NETO1: variants seen among roughly 807,000 people sequenced by gnomAD.
NETO1 encodes the protein neuropilin and tolloid like 1.
A neutral mutation model predicts 61.3 loss-of-function variants in NETO1; 26 were observed. The observed-to-expected ratio is 0.42, with a 90% CI of 0.31 to 0.59. The LOEUF is 0.59. NETO1 is among the 20% of genes least tolerant of loss of function. The probability of loss-of-function intolerance (pLI) is 0.12; values close to 1 mark genes in which losing one functional copy is unlikely to be tolerated. For synonymous variants in NETO1, 225 were observed against 225.8 expected, an observed-to-expected ratio of 1.00 and a Z score of 0.03; for missense variants, 531 against 662.8, an observed-to-expected ratio of 0.80 and a Z score of 2.18.
chr18:72,774,613 A>C (rs2071482698), intron 7 of NETO1, among the ~76,000 whole-genome samples: 1 of 152,176 alleles, frequency 6.6e-6, no homozygotes, highest in Admixed American at 6.5e-5. Context: ...GCATATCTCA[A>C]ATTGGATGAA....
intron 7 of NETO1, among the ~76,000 whole-genome samples, chr18:72,771,266 T>C (rs1007717332): frequency 6.6e-6 from 1 of 152,164 alleles, no homozygotes; most frequent in Non-Finnish European, 1.5e-5. Context: ...ACTGTGTCAG[T>C]AGAGCAAATA....
At position 72,768,243 on chromosome 18, in the gene NETO1, T is replaced by A. The variant is rs565814016; in HGVS notation, c.869-12096A>T. On this transcript the variant is annotated intron_variant, in intron 7 of 10. Transcript: ENST00000327305. ...AATCTTTAGGACAGATTAACTTTTT[T>A]ATTTTTTTCTACAGTAATAAAATAT... is the stretch of plus-strand genomic sequence containing the variant. Among the ~76,000 whole-genome samples the A allele has an allele frequency of 1.6e-4, 25 of 152,228 alleles. No homozygotes were observed. The South Asian group carries it at 3.3e-3, about 20-fold the overall frequency.
chr18:72,763,614 TCACA>T (rs1429965935), intron 7 of NETO1, among the ~76,000 whole-genome samples: 8 of 149,054 alleles, frequency 5.4e-5, no homozygotes, highest in African/African-American at 9.8e-5. Flanking sequence ...CACACACCAT[TCACA>T]CACACACTCA....
Position 72,805,465 on chromosome 18 carries a change from A to G in NETO1, c.470-11061T>C, listed in dbSNP as rs145689402. ...CCACGAAAATAGCTAATACCATTGC[A>G]ATAATTAATATGTACCAGATATTAT... is the stretch of plus-strand genomic sequence containing the variant. On this transcript the variant is annotated intron_variant, in intron 4 of 10. Coordinates refer to ENST00000327305, the MANE Select transcript of NETO1 (RefSeq NM_138966.5). 2.3e-3 allele frequency among the ~76,000 whole-genome samples: 351 copies of G among 152,336 alleles called. 2 individuals carry two copies. The highest frequency in any genetic ancestry group is 8.2e-3 in the African/African-American group (342 of 41,578).
chr18:72,837,115 TA>T (rs2073774957), intron 4 of NETO1, among the ~76,000 whole-genome samples: 1 of 152,178 alleles, frequency 6.6e-6, no homozygotes, highest in African/African-American at 2.4e-5. Context: ...TTCAACAGAA[TA>T]ATAATATTCT....
intron 4 of NETO1, among the ~76,000 whole-genome samples, chr18:72,810,533 G>A (rs1364732835): frequency 2.0e-5 from 3 of 152,200 alleles, no homozygotes; most frequent in Admixed American, 2.0e-4. Flanking sequence ...ACTGGAAATA[G>A]TGCTAAAATG....
At chr18:72,821,178 G>A (rs143446851) in intron 4 of NETO1, among the ~76,000 whole-genome samples, 222 of 135,324 alleles carry the variant, frequency 1.6e-3, no homozygotes, top group African/African-American at 4.6e-3. Flanking sequence ...CCTTAGCCCC[G>A]TTTTCTGTCT....
intron 6 of NETO1, among the ~76,000 whole-genome samples, chr18:72,793,162 A>T (rs190061573): frequency 1.3e-5 from 2 of 152,316 alleles, no homozygotes; most frequent in Admixed American, 1.3e-4. Flanking sequence ...GACTTTATAG[A>T]GTCACAAAAT....
chr18:72,832,875 GAACA>G (rs952807262), intron 4 of NETO1, among the ~76,000 whole-genome samples: 3 of 152,106 alleles, frequency 2.0e-5, no homozygotes, highest in African/African-American at 7.2e-5. Flanking sequence ...CATGTTTTCT[GAACA>G]GACAGATACA....
At chr18:72,791,927 GA>G (rs566996973) in intron 6 of NETO1, among the ~76,000 whole-genome samples, 25 of 152,048 alleles carry the variant, frequency 1.6e-4, no homozygotes, top group Non-Finnish European at 3.2e-4. Flanking sequence ...AAATATAGAA[GA>G]AAAATAACTG....
At chr18:72,776,342 T>G (rs1159627938) in intron 7 of NETO1, among the ~76,000 whole-genome samples, 1 of 152,184 alleles carries the variant, frequency 6.6e-6, no homozygotes, top group Non-Finnish European at 1.5e-5. Flanking sequence ...TTTGTCCCCA[T>G]CACCTAAATA....
intron 4 of NETO1, among the ~76,000 whole-genome samples, chr18:72,796,904 A>T (rs1461559953): frequency 6.6e-6 from 1 of 152,372 alleles, no homozygotes; most frequent in Admixed American, 6.5e-5. Flanking sequence ...CTAAATCAAT[A>T]GATATATAGT....
At chr18:72,834,592 A>G in intron 4 of NETO1, 3 of 982,824 alleles carry the variant, frequency 3.1e-6, no homozygotes, top group Middle Eastern at 5.2e-4. Flanking sequence ...TATTACTCAG[A>G]TCAAAGTCAT....
intron 4 of NETO1, among the ~76,000 whole-genome samples, chr18:72,855,704 G>GA (rs1300493882): frequency 1.3e-5 from 2 of 151,986 alleles, no homozygotes; most frequent in East Asian, 1.9e-4. Flanking sequence ...CAAAGAAATA[G>GA]AAAAAAAATT....
At chr18:72,865,272 A>G in intron 1 of NETO1, 31 bp from the exon 2 acceptor site, 1 of 1,477,698 alleles carries the variant, frequency 6.8e-7, no homozygotes, top group Non-Finnish European at 9.4e-7. Context: ...TAGAGATAAA[A>G]TACACTGAAA....
intron 4 of NETO1, among the ~76,000 whole-genome samples, chr18:72,852,494 C>A (rs8094708): frequency 2.0e-5 from 3 of 152,102 alleles, no homozygotes; most frequent in Non-Finnish European, 4.4e-5. Context: ...GGATTACAGG[C>A]GTGAGCCACC....
intron 1 of NETO1, chr18:72,866,800 G>C: frequency 1.0e-6 from 1 of 997,554 alleles, no homozygotes; most frequent in Non-Finnish European, 1.2e-6. Context: ...GCTGACCCTC[G>C]CCCTTCCCTC....
chr18:72,838,999 T>C (rs1195874135), intron 4 of NETO1, among the ~76,000 whole-genome samples: 1 of 152,214 alleles, frequency 6.6e-6, no homozygotes, highest in Non-Finnish European at 1.5e-5. Context: ...AAAGCATAAA[T>C]GATCTAAAAA....
In NETO1 at chr18:72,834,139, G is replaced by A. The variant is rs557525023; in HGVS notation, c.469+24687C>T. The A allele has an allele frequency of 1.2e-4, 98 of 834,438 alleles. 1 individual carries two copies. Among genetic ancestry groups the A allele is most frequent in the East Asian group, 1.1e-3 (9 of 8,126 alleles). The allele number at this position is 834,438 out of a possible 1,614,324, so 51.7% of individuals were successfully genotyped here. A position where few individuals can be genotyped will look rare whatever the true frequency, so the allele number is the denominator to read the frequency against. On this transcript the variant is annotated intron_variant, in intron 4 of 10. Coordinates refer to ENST00000327305, the MANE Select transcript of NETO1 (RefSeq NM_138966.5). ...TCAATACTCTGGTATTTAGAGCTTC[G>A]GACAATATTTTTGTTTAAAAAACAT... is the stretch of plus-strand genomic sequence containing the variant.
Sources: allele counts gnomAD v4.1 joint callset (sites outside exome capture counted in the v4.1 genomes callset), GRCh38; gene constraint gnomAD v4.1.1; transcripts MANE v1.5; gene names NCBI Gene and HGNC (gene_info 2026-07-23, HGNC 2026-07-21).